The following PTPRN2 variants were observed in gnomAD, a reference collection of about 807,000 sequenced individuals.
PTPRN2 encodes receptor-type tyrosine-protein phosphatase N2.
PTPRN2 carries 74 observed loss-of-function variants against 118.8 expected under a neutral mutation model. The ratio of observed to expected loss-of-function variants is 0.62; its 90% CI spans 0.52 to 0.76. The LOEUF (loss-of-function observed/expected upper bound fraction) is 0.76. Ranked by LOEUF, PTPRN2 falls within the 30% of genes least tolerant of loss-of-function variation. The probability of loss-of-function intolerance (pLI) is 0.00; values close to 1 mark genes in which losing one functional copy is unlikely to be tolerated. For synonymous variants in PTPRN2, 641 were observed against 608.0 expected, an observed-to-expected ratio of 1.05 and a Z score of -0.80; for missense variants, 1,481 against 1,394.4, an observed-to-expected ratio of 1.06 and a Z score of -0.99.
At position 158,565,596 on chromosome 7, in the gene PTPRN2, A is replaced by G. The variant is rs1283512409; in HGVS notation, c.112+21962T>C. On this transcript the variant is annotated intron_variant, in intron 1 of 22. Coordinates refer to ENST00000389418, the MANE Select transcript of PTPRN2 (RefSeq NM_002847.5). The surrounding 1 kb of genome is among the most constrained non-coding windows in gnomAD (Gnocchi z 4.6). ...GGATCTGCAGGCTTCAACAACTGTC[A>G]AAGCACGGGAAAATCCCCAGGAAGA... 6.6e-6 allele frequency among the ~76,000 whole-genome samples: 1 copy of G among 152,228 alleles called. No homozygotes were observed. Among genetic ancestry groups the G allele is most frequent in the African/African-American group, 2.4e-5 (1 of 41,462 alleles).
At chr7:158,298,928 G>T (rs772309549) in intron 3 of PTPRN2, among the ~76,000 whole-genome samples, 1 of 152,144 alleles carries the variant, frequency 6.6e-6, no homozygotes, top group Non-Finnish European at 1.5e-5. Context: ...ACAGGAACAC[G>T]ATGCCTCTGT....
chr7:157,896,984 G>A (rs1261713064), intron 12 of PTPRN2, among the ~76,000 whole-genome samples: 1 of 151,428 alleles, frequency 6.6e-6, no homozygotes, highest in Non-Finnish European at 1.5e-5. Flanking sequence ...CATGTCCACA[G>A]GACCCACCTC....
At chr7:158,179,644 CT>C (rs2150653103) in intron 5 of PTPRN2, among the ~76,000 whole-genome samples, 1 of 152,242 alleles carries the variant, frequency 6.6e-6, no homozygotes, top group South Asian at 2.1e-4. Context: ...GTTGATCCAT[CT>C]TGAGTTGATT....
chr7:157,664,489 G>A (rs1370056934), intron 13 of PTPRN2, among the ~76,000 whole-genome samples: 1 of 152,238 alleles, frequency 6.6e-6, no homozygotes, highest in African/African-American at 2.4e-5. Context: ...AACGGTAGTC[G>A]GGCGTGGTGG....
chr7:157,660,899 C>T (rs189001682), intron 13 of PTPRN2, among the ~76,000 whole-genome samples: 67 of 152,328 alleles, frequency 4.4e-4, no homozygotes, highest in Admixed American at 2.5e-3. Context: ...GAATTATAGG[C>T]GTGCACCACC....
intron 6 of PTPRN2, among the ~76,000 whole-genome samples, chr7:158,155,478 CCATCAT>C (rs1418696360): frequency 1.9e-4 from 24 of 123,410 alleles, no homozygotes; most frequent in Non-Finnish European, 3.8e-4. Flanking sequence ...ATCACCATCA[CCATCAT>C]CATCACCATC....
intron 3 of PTPRN2, among the ~76,000 whole-genome samples, chr7:158,244,407 C>CA (rs1796067227): frequency 6.6e-6 from 1 of 152,228 alleles, no homozygotes; most frequent in African/African-American, 2.4e-5. Flanking sequence ...AACAGATACA[C>CA]AGAGTGTCTG....
rs935774122 is a variant in PTPRN2, at chr7:157,885,111, G to A, written c.1788+13562C>T. Among the ~76,000 whole-genome samples, 5 of 152,294 alleles carry A rather than the reference G, an allele frequency of 3.3e-5. No individual in the cohort carries two copies. In the East Asian group the frequency reaches 7.7e-4, roughly 24 times the overall value. On this transcript the variant is annotated intron_variant, in intron 12 of 22. Transcript: ENST00000389418. ...GACACTACTTTTTCTTCCCCACACA[G>A]AGTAGTAGCTTGAGGCCACTGGCTC...
intron 11 of PTPRN2, among the ~76,000 whole-genome samples, chr7:157,950,814 T>C (rs1489881484): frequency 6.6e-6 from 1 of 152,202 alleles, no homozygotes; most frequent in Non-Finnish European, 1.5e-5. Flanking sequence ...CATGAAGTAC[T>C]GTGTACTGAA....
intron 12 of PTPRN2, among the ~76,000 whole-genome samples, chr7:157,696,702 C>T (rs1225357653): frequency 9.0e-5 from 13 of 144,976 alleles, no homozygotes; most frequent in South Asian, 6.8e-4. Flanking sequence ...CACCGTCTAC[C>T]CATGCATACT....
rs532180970 is a variant in PTPRN2 at position 157,568,954 on chromosome 7, G to A, written c.2850C>T (p.Gly950=). 26 of 1,574,448 alleles carry A rather than the reference G, an allele frequency of 1.7e-5. No homozygotes were observed. In the African/African-American group the frequency reaches 3.2e-4, roughly 20 times the overall value. Residue 950 remains glycine (G), a synonymous_variant, in exon 21 of 23, where the codon GGC becomes GGT. Transcript: ENST00000389418. ...CGATCAGGACGTAGGTGCCGCTCCG[G>A]CCTGCACCGTCACTGCCAACAGAAG... ...PIIVHCSDGA[G]RSGTYVLIDM...
At position 158,112,697 on chromosome 7, in the gene PTPRN2, C is replaced by T. The variant is rs146404159; in HGVS notation, c.1557-1782G>A. On this transcript the variant is annotated intron_variant, in intron 9 of 22. Transcript: ENST00000389418. ...GTCCAGGCTAGGTGCTGAGGGGCGA[C>T]GTGTCTGTCAGTGCAGAGGTCAAAG... Among the ~76,000 whole-genome samples, 632 of 150,376 alleles carry T rather than the reference C, an allele frequency of 4.2e-3. 4 individuals are homozygous for T. The highest frequency in any genetic ancestry group is 0.015 in the African/African-American group (597 of 40,908).
intron 12 of PTPRN2, among the ~76,000 whole-genome samples, chr7:157,812,900 G>A (rs776472822): frequency 3.1e-4 from 47 of 152,176 alleles, no homozygotes; most frequent in South Asian, 1.0e-3. Flanking sequence ...TGGAAAACTC[G>A]CCCTCCTTCC....
chr7:157,771,954 A>T (rs560991072), intron 12 of PTPRN2, among the ~76,000 whole-genome samples: 2 of 134,846 alleles, frequency 1.5e-5, no homozygotes, highest in African/African-American at 6.7e-5. Context: ...AAAGACACAC[A>T]TACAGACAGA....
At chr7:158,042,565 C>A (rs1263090594) in intron 11 of PTPRN2, among the ~76,000 whole-genome samples, 1 of 152,248 alleles carries the variant, frequency 6.6e-6, no homozygotes, top group African/African-American at 2.4e-5. Flanking sequence ...CACTTAACAT[C>A]TTCGCAGTAT....
intron 11 of PTPRN2, among the ~76,000 whole-genome samples, chr7:157,937,626 T>G (rs1799800503): frequency 6.6e-6 from 1 of 152,204 alleles, no homozygotes; most frequent in Non-Finnish European, 1.5e-5. Context: ...CAGGGGCTCT[T>G]CAGTGCAAAG....
At chr7:157,883,720 G>C (rs1796297259) in intron 12 of PTPRN2, among the ~76,000 whole-genome samples, 1 of 141,056 alleles carries the variant, frequency 7.1e-6, no homozygotes, top group African/African-American at 2.8e-5. Flanking sequence ...CCCCAGAAAA[G>C]ACTGTCGGAG....
chr7:157,900,042 G>A (rs1409754668), intron 11 of PTPRN2, among the ~76,000 whole-genome samples: 2 of 152,208 alleles, frequency 1.3e-5, no homozygotes, highest in Non-Finnish European at 2.9e-5. Context: ...CTGAGGAACA[G>A]AAAGTGAGTA....
chr7:157,561,670 C>T lies in PTPRN2; in HGVS notation c.2902+7232G>A, dbSNP rs563132592. On this transcript the variant is annotated intron_variant, in intron 21 of 22. Transcript: ENST00000389418. ...CAGAACGGAGGGCCCCTTGGGCCCC[C>T]TTCCATTCAGTGAAAAGCTTTCTGT... Among the ~76,000 whole-genome samples the T allele has an allele frequency of 2.1e-3, 313 of 152,382 alleles. 1 individual carries two copies. The highest frequency in any genetic ancestry group is 7.1e-3 in the African/African-American group (297 of 41,596).
Sources: allele counts gnomAD v4.1 joint callset (sites outside exome capture counted in the v4.1 genomes callset), GRCh38; gene constraint gnomAD v4.1.1; non-coding constraint Gnocchi (gnomAD v3.1); transcripts MANE v1.5; gene names NCBI Gene and HGNC (gene_info 2026-07-23, HGNC 2026-07-21).